The following ZNF565 variants were observed in gnomAD, a reference collection of about 807,000 sequenced individuals.
The protein encoded by ZNF565 is zinc finger protein 565.
ZNF565 carries 27 observed loss-of-function variants against 39.4 expected under a neutral mutation model. The observed-to-expected ratio is 0.69, with a 90% CI of 0.51 to 0.95. ZNF565 has a LOEUF of 0.95. Ranked by LOEUF, ZNF565 falls within the 40% of genes least tolerant of loss-of-function variation. ZNF565 has a pLI of 0.00. For synonymous variants in ZNF565, 185 were observed against 216.6 expected (o/e 0.85, Z 1.28); for missense variants, 524 against 621.1 (o/e 0.84, Z 1.66).
Position 36,229,844 on chromosome 19 carries a change from C to T in ZNF565, c.55+15632G>A, listed in dbSNP as rs533671678. ...AAGTGATTCTTGTGCCTCAGGCTCC[C>T]GAGTAGCTGGGATTACAGGCATGTG... On this transcript the variant is annotated intron_variant, in intron 1 of 4. Coordinates refer to the ZNF565 transcript ENST00000355114. Among the ~76,000 whole-genome samples the T allele has an allele frequency of 4.6e-5, 7 of 152,246 alleles. No homozygotes were observed. In the East Asian group the frequency reaches 1.2e-3, roughly 25 times the overall value.
chr19:36,216,642 C>T (rs1282515376), upstream of ZNF565, among the ~76,000 whole-genome samples: 3 of 151,702 alleles, frequency 2.0e-5, no homozygotes, highest in Non-Finnish European at 2.9e-5. Flanking sequence ...TGGACAAGAG[C>T]GAGATTCCGT....
At chr19:36,239,184 CTTT>C (rs2145477529) in intron 1 of ZNF565, among the ~76,000 whole-genome samples, 1 of 152,218 alleles carries the variant, frequency 6.6e-6, no homozygotes, top group East Asian at 1.9e-4. Context: ...GCTTAGAAAA[CTTT>C]AACTTTTTCT....
Position 36,183,705 on chromosome 19 carries a change from T to C in ZNF565, c.261A>G (p.Leu87=), listed in dbSNP as rs1160918811. 6.2e-7 allele frequency: 1 copy of C among 1,612,306 alleles called. No homozygotes were observed. Among genetic ancestry groups the C allele is most frequent in the Admixed American group, 1.7e-5 (1 of 59,664 alleles). Residue 87 remains leucine, a synonymous_variant, in exon 5 of 5, where the codon CTA becomes CTG. Transcript: ENST00000304116. ...CCCCGATTTCAAAAATGTCTTTTTG[T>C]AGAAATTTCTCACACCTGGACTCCA... ...PDLESRCEKF[L]QKDIFEIGAF...
intron 1 of ZNF565, among the ~76,000 whole-genome samples, chr19:36,221,636 A>G (rs1219617573): frequency 6.6e-6 from 1 of 152,156 alleles, no homozygotes; most frequent in African/African-American, 2.4e-5. Flanking sequence ...GAAGTAAGTA[A>G]TGCATTTCTG....
intron 1 of ZNF565, among the ~76,000 whole-genome samples, chr19:36,223,146 A>G (rs10416729): frequency 0.63 from 95,944 of 151,296 alleles, 30,615 homozygotes; most frequent in Middle Eastern, 0.71. Context: ...GCTGGGCGCG[A>G]TGGCTCACGC....
intron 1 of ZNF565, among the ~76,000 whole-genome samples, chr19:36,240,954 C>T (rs540088709): frequency 6.6e-6 from 1 of 152,136 alleles, no homozygotes; most frequent in Admixed American, 6.5e-5. Context: ...TTTGTCCCCA[C>T]TTGCTGTCTC....
intron 1 of ZNF565, chr19:36,236,498 G>A (rs1262293237): frequency 6.2e-7 from 1 of 1,614,122 alleles, no homozygotes; most frequent in Non-Finnish European, 8.5e-7. Flanking sequence ...TGCCTGTAAG[G>A]TATGTGGAAA....
intron 4 of ZNF565, among the ~76,000 whole-genome samples, chr19:36,187,462 C>T (rs757008730): frequency 1.1e-4 from 17 of 148,034 alleles, no homozygotes; most frequent in Non-Finnish European, 1.8e-4. Context: ...CCCGGATTCA[C>T]GCCATTCTCC....
rs199535217 is a variant in ZNF565 at position 36,195,202 on chromosome 19, T to C, written c.10-46A>G. Reference sequence around the variant, plus strand: ...ATTAGTGTACATTAAGAAACTTTTTTCATTTATTATGAAAATTTTCAAGAT... The same window carrying C: ...ATTAGTGTACATTAAGAAACTTTTTCCATTTATTATGAAAATTTTCAAGAT... On this transcript the variant is annotated intron_variant, in intron 2 of 4. Coordinates refer to ENST00000304116, the MANE Select transcript of ZNF565 (RefSeq NM_152477.5). 2.2e-5 allele frequency: 35 copies of C among 1,570,814 alleles called. No homozygotes were observed. In the African/African-American group the frequency reaches 4.4e-4, roughly 20 times the overall value.
intron 2 of ZNF565, 67 bp from the exon 3 acceptor site, chr19:36,195,223 A>T (rs566357579): frequency 6.4e-7 from 1 of 1,555,362 alleles, no homozygotes; most frequent in African/African-American, 1.4e-5. Context: ...GAAAATTTTC[A>T]AGATGCACAA....
chr19:36,206,468 AAG>A (rs1976158936), intron 1 of ZNF565, among the ~76,000 whole-genome samples: 1 of 151,974 alleles, frequency 6.6e-6, no homozygotes, highest in African/African-American at 2.4e-5. Flanking sequence ...AGAAAAAAAA[AAG>A]AAAAAAGATG....
At chr19:36,207,554 T>C (rs74940324) in intron 1 of ZNF565, among the ~76,000 whole-genome samples, 3,293 of 140,512 alleles carry the variant, frequency 0.023, 129 homozygotes, top group African/African-American at 0.081. Context: ...AAAAAAAAAA[T>C]ACATAACAAA....
At chr19:36,220,091 C>A (rs1171420036) in intron 1 of ZNF565, among the ~76,000 whole-genome samples, 1 of 152,146 alleles carries the variant, frequency 6.6e-6, no homozygotes, top group East Asian at 1.9e-4. Context: ...TCCTGCACTG[C>A]AGGCTTGTAT....
chr19:36,235,214 AAAAAAAG>A lies in ZNF565; in HGVS notation c.55+10255_55+10261del, dbSNP rs1977598782. ...ACGAGCGAAATTCCGTCTCAAAAAA[AAAAAAAG>A]AAGAAAGAAAGATGAACATTATTTT... is the stretch of plus-strand genomic sequence containing the variant. On this transcript the variant is annotated intron_variant, in intron 1 of 4. Coordinates refer to the ZNF565 transcript ENST00000355114. Among the ~76,000 whole-genome samples, 5 of 141,576 alleles carry A rather than the reference AAAAAAAG, an allele frequency of 3.5e-5. No homozygotes were observed. The South Asian group carries it at 1.1e-3, about 30-fold the overall frequency. The allele number at this position is 141,576 out of a possible 152,430, so 92.9% of individuals were successfully genotyped here. A position where few individuals can be genotyped will look rare whatever the true frequency, so the allele number is the denominator to read the frequency against.
chr19:36,210,521 T>C (rs1250693031), intron 1 of ZNF565, among the ~76,000 whole-genome samples: 1 of 151,958 alleles, frequency 6.6e-6, no homozygotes, highest in African/African-American at 2.4e-5. Flanking sequence ...AACTCATGAA[T>C]TATTTGTATA....
chr19:36,194,397 C>T, intron 3 of ZNF565, 69 bp from the exon 4 acceptor site: 1 of 1,296,348 alleles, frequency 7.7e-7, no homozygotes, highest in South Asian at 1.5e-5. Context: ...CCCTGGTCAC[C>T]ATGGAAAAGA....
intron 1 of ZNF565, among the ~76,000 whole-genome samples, chr19:36,240,838 C>G (rs974091972): frequency 2.0e-5 from 3 of 150,968 alleles, no homozygotes; most frequent in Non-Finnish European, 4.4e-5. Flanking sequence ...CTACTGCACT[C>G]CAGCCTGGGA....
chr19:36,203,930 G>C (rs1008511370), intron 1 of ZNF565, among the ~76,000 whole-genome samples: 3 of 151,744 alleles, frequency 2.0e-5, no homozygotes, highest in Non-Finnish European at 2.9e-5. Context: ...GCTTCCTGTA[G>C]GGGGTGTGTC....
At chr19:36,232,111 G>C (rs1280359336) in intron 1 of ZNF565, among the ~76,000 whole-genome samples, 1 of 151,248 alleles carries the variant, frequency 6.6e-6, no homozygotes, top group Admixed American at 6.6e-5. Context: ...GCTGAGGCAG[G>C]AGAATCGGTT....
Sources: allele counts gnomAD v4.1 joint callset (sites outside exome capture counted in the v4.1 genomes callset), GRCh38; gene constraint gnomAD v4.1.1; transcripts MANE v1.5; gene names NCBI Gene and HGNC (gene_info 2026-07-23, HGNC 2026-07-21).